Variants in TP63 observed in about 807,000 individuals in gnomAD.
TP63 encodes tumor protein p63, also known as tumor protein 63.
TP63 carries 17 observed loss-of-function variants against 82.8 expected under a neutral mutation model. The observed-to-expected ratio is 0.21, with a 90% CI of 0.14 to 0.31. TP63 has a LOEUF of 0.31. TP63 is among the 10% of genes least tolerant of loss of function. The pLI is 1.00. For synonymous variants in TP63, 330 were observed against 321.7 expected (o/e 1.03, Z -0.28); for missense variants, 648 against 895.3 (o/e 0.72, Z 3.52).
At chr3:189,791,818 G>A (rs1201969681) in intron 3 of TP63, among the ~76,000 whole-genome samples, 1 of 152,060 alleles carries the variant, frequency 6.6e-6, no homozygotes, top group Non-Finnish European at 1.5e-5. Context: ...CTACATCTGA[G>A]TATATGAAAT....
intron 4 of TP63, among the ~76,000 whole-genome samples, chr3:189,840,990 C>T (rs540119312): frequency 3.8e-4 from 57 of 151,822 alleles, no homozygotes; most frequent in African/African-American, 1.2e-3. Context: ...TGTAGGTCAG[C>T]AATATTTATA....
intron 13 of TP63, among the ~76,000 whole-genome samples, chr3:189,891,991 C>CTA (rs1202792503): frequency 6.6e-6 from 1 of 152,174 alleles, no homozygotes; most frequent in Non-Finnish European, 1.5e-5. Context: ...TGTACTGCCC[C>CTA]TATGCCCACC....
intron 10 of TP63, among the ~76,000 whole-genome samples, chr3:189,884,141 A>C (rs1204935345): frequency 1.3e-5 from 2 of 152,178 alleles, no homozygotes; most frequent in African/African-American, 2.4e-5. Flanking sequence ...TTCAGTGAGC[A>C]AAGAGAATTG....
At chr3:189,874,522 C>T (rs1375294027) in intron 10 of TP63, among the ~76,000 whole-genome samples, 1 of 152,142 alleles carries the variant, frequency 6.6e-6, no homozygotes, top group African/African-American at 2.4e-5. Context: ...CATCCAAGAT[C>T]CTTTTTGGCC....
chr3:189,614,000 A>C, the TP63 span, among the ~76,000 whole-genome samples: 2 of 152,090 alleles, frequency 1.3e-5, no homozygotes, highest in Non-Finnish European at 2.9e-5. Context: ...CTCAAATGAG[A>C]CTTTGGACTG....
At chr3:189,643,871 G>C (rs190244258) in intron 1 of TP63, among the ~76,000 whole-genome samples, 1 of 152,198 alleles carries the variant, frequency 6.6e-6, no homozygotes, top group Admixed American at 6.5e-5. Context: ...TTGACCCATG[G>C]TTACTCAATA....
chr3:189,761,719 A>T (rs1040855068), intron 3 of TP63, among the ~76,000 whole-genome samples: 2 of 152,158 alleles, frequency 1.3e-5, no homozygotes, highest in Non-Finnish European at 2.9e-5. Flanking sequence ...AATTTACTGT[A>T]TTAGTCCATT....
At chr3:189,871,595 A>G (rs1392386648) in intron 9 of TP63, among the ~76,000 whole-genome samples, 1 of 152,204 alleles carries the variant, frequency 6.6e-6, no homozygotes, top group East Asian at 1.9e-4. Context: ...TGGGTGCAGC[A>G]ACTGGGGTAA....
intron 3 of TP63, among the ~76,000 whole-genome samples, chr3:189,751,277 C>T (rs1337740707): frequency 6.6e-6 from 1 of 152,154 alleles, no homozygotes; most frequent in Non-Finnish European, 1.5e-5. Flanking sequence ...CCGCAATAAA[C>T]ATACGTGTGC....
intron 4 of TP63, among the ~76,000 whole-genome samples, chr3:189,862,347 C>T (rs1321550903): frequency 6.6e-6 from 1 of 151,640 alleles, no homozygotes; most frequent in Non-Finnish European, 1.5e-5. Context: ...AATTAGATTC[C>T]CACCCCCATC....
intron 4 of TP63, among the ~76,000 whole-genome samples, chr3:189,859,704 A>C (rs549514960): frequency 1.9e-4 from 29 of 152,346 alleles, no homozygotes; most frequent in African/African-American, 6.5e-4. Flanking sequence ...AGAAAAATGG[A>C]AATGTACATC....
At position 189,882,464 on chromosome 3, in the gene TP63, CTTT is replaced by C. The variant is rs35439891; in HGVS notation, c.1350-3916_1350-3914del. 8.8e-4 allele frequency among the ~76,000 whole-genome samples: 126 copies of C among 142,552 alleles called. 1 individual carries two copies. Among genetic ancestry groups the C allele is most frequent in the African/African-American group, 2.3e-3 (91 of 39,210 alleles). The allele number at this position is 142,552 out of a possible 152,430, so 93.5% of individuals were successfully genotyped here. On this transcript the variant is annotated intron_variant, in intron 10 of 13. Transcript: ENST00000264731. ...CTTTTTCTGATGGTCCATGTTTTCC[CTTT>C]TTTTTTTTTTTTTCCTGACCTTTCT...
At chr3:189,722,691 G>T (rs1719486440) in intron 1 of TP63, among the ~76,000 whole-genome samples, 1 of 152,122 alleles carries the variant, frequency 6.6e-6, no homozygotes, top group Admixed American at 6.5e-5. Flanking sequence ...AGTAAACGTG[G>T]GTGTGTATAA....
intron 4 of TP63, among the ~76,000 whole-genome samples, chr3:189,835,067 C>T (rs76380205): frequency 0.021 from 3,169 of 151,966 alleles, 63 homozygotes; most frequent in Non-Finnish European, 0.029. Context: ...TCATGCAGTC[C>T]CTAATTCACT....
chr3:189,722,209 G>A (rs565244151), intron 1 of TP63, among the ~76,000 whole-genome samples: 82 of 152,320 alleles, frequency 5.4e-4, no homozygotes, highest in African/African-American at 1.8e-3. Context: ...AAAGAATTCC[G>A]TGAAGACGCT....
chr3:189,873,751 G>A (rs1287814787), intron 10 of TP63, among the ~76,000 whole-genome samples: 2 of 152,152 alleles, frequency 1.3e-5, no homozygotes, highest in African/African-American at 4.8e-5. Context: ...AGGATGAGAG[G>A]TTGACCAATC....
chr3:189,763,928 G>A (rs574757010), intron 3 of TP63, among the ~76,000 whole-genome samples: 2 of 152,266 alleles, frequency 1.3e-5, no homozygotes, highest in East Asian at 3.9e-4. Context: ...CCTACAGCAA[G>A]ATAAATTATA....
chr3:189,725,905 A>C (rs892061145), intron 1 of TP63, among the ~76,000 whole-genome samples: 5 of 152,084 alleles, frequency 3.3e-5, no homozygotes, highest in African/African-American at 1.2e-4. Flanking sequence ...AAATACAAAA[A>C]TCAGCTGGGC....
chr3:189,697,904 A>G (rs934249090), intron 1 of TP63, among the ~76,000 whole-genome samples: 7 of 148,686 alleles, frequency 4.7e-5, no homozygotes, highest in Non-Finnish European at 1.0e-4. Context: ...ACTTTGTTAT[A>G]GTTGCTTATT....
Sources: gnomAD v4.1 joint callset for allele counts (sites outside exome capture counted in the v4.1 genomes callset) on GRCh38, gnomAD v4.1.1 for gene constraint, MANE v1.5 for transcripts, NCBI Gene and HGNC (gene_info 2026-07-23, HGNC 2026-07-21) for gene names.